Variants in KIDINS220 observed in about 807,000 individuals in gnomAD.
The protein encoded by KIDINS220 is kinase D interacting substrate 220, also known as kinase D-interacting substrate of 220 kDa.
In KIDINS220, 63 loss-of-function variants were observed where a neutral mutation model predicts 157.6. That is an observed-to-expected ratio of 0.40 (90% CI 0.33 to 0.49). The LOEUF is 0.49. Ranked by LOEUF, KIDINS220 falls within the 20% of genes least tolerant of loss-of-function variation. KIDINS220 has a pLI of 0.66. For missense variants in KIDINS220, 1,772 were observed against 2,171.2 expected (o/e 0.82, Z 3.65); for synonymous variants, 732 against 783.6 (o/e 0.93, Z 1.10).
At position 8,779,060 on chromosome 2, in the gene KIDINS220, T is replaced by C. The variant is rs1450455798; in HGVS notation, c.2450A>G (p.Gln817Arg). The part of the protein sequence containing the change: ...DPHIIIKAIN[Q>R]NLNSVLRDSN... ...ATCCCGAAGCACACTATTGAGGTTC[T>C]GGTTAATTGCCTTTATGATAATATG... Residue 817 changes from glutamine (Q) to arginine (R), a missense_variant, in exon 19 of 30, where the codon CAG becomes CGG. This residue lies in a region of KIDINS220 where 725 missense variants were observed against 1,017.1 expected (regional missense o/e 0.71). Transcript: ENST00000256707. 1.9e-6 allele frequency: 3 copies of C among 1,614,022 alleles called. No individual in the cohort carries two copies. The highest frequency in any genetic ancestry group is 2.5e-6 in the Non-Finnish European group (3 of 1,180,022).
chr2:8,803,171 G>T, intron 7 of KIDINS220, 44 bp from the exon 8 acceptor site: 1 of 1,410,006 alleles, frequency 7.1e-7, no homozygotes, highest in Non-Finnish European at 9.7e-7. Flanking sequence ...GCAAGCCCAA[G>T]AAATTAATGT....
chr2:8,725,634 T>C (rs574881683), downstream of KIDINS220: 1 of 152,326 alleles, frequency 6.6e-6, no homozygotes, highest in East Asian at 1.9e-4. Context: ...CTTGGGTCTA[T>C]GGGCAGGGTA....
At chr2:8,723,472 T>C (rs1663088434), downstream of KIDINS220, 1 of 152,264 alleles carries the variant, frequency 6.6e-6, no homozygotes, top group Non-Finnish European at 1.5e-5. Flanking sequence ...TTGGTGATGG[T>C]TGTTACAGCG....
In KIDINS220 at chr2:8,750,104, T is replaced by C. The variant is rs1238895235; in HGVS notation, c.3414+8A>G. 1.2e-6 allele frequency: 2 copies of C among 1,606,532 alleles called. No individual in the cohort carries two copies. Among genetic ancestry groups the C allele is most frequent in the Non-Finnish European group, 1.7e-6 (2 of 1,175,912 alleles). On this transcript the variant is annotated splice_region_variant and intron_variant, in intron 24 of 29. Transcript: ENST00000256707. The stretch of plus-strand genomic sequence containing the variant: ...TCTTAAAAATAAAGCTGCCTCCAAC[T>C]TCCTTACCCTGTTGTAGAAGGGATG...
At chr2:8,748,789 A>T (rs1222463373) in intron 24 of KIDINS220, among the ~76,000 whole-genome samples, 1 of 152,260 alleles carries the variant, frequency 6.6e-6, no homozygotes, top group Admixed American at 6.5e-5. Flanking sequence ...AGCTAGATTT[A>T]AAAACAAGAG....
chr2:8,820,812 G>A (rs1271084744), intron 2 of KIDINS220, among the ~76,000 whole-genome samples: 3 of 152,224 alleles, frequency 2.0e-5, no homozygotes, highest in Non-Finnish European at 4.4e-5. Context: ...ATTCTGAGTC[G>A]TCACTACCAA....
At chr2:8,831,311 C>T (rs1418284543) in intron 1 of KIDINS220, among the ~76,000 whole-genome samples, 7 of 152,082 alleles carry the variant, frequency 4.6e-5, no homozygotes, top group Non-Finnish European at 7.4e-5. Flanking sequence ...CTCCCCTCCT[C>T]AGCCCCATCC....
At chr2:8,760,457 A>G (rs1390029836) in intron 22 of KIDINS220, among the ~76,000 whole-genome samples, 1 of 152,228 alleles carries the variant, frequency 6.6e-6, no homozygotes, top group Non-Finnish European at 1.5e-5. Flanking sequence ...AGAAATGTGA[A>G]CAACTCCAAG....
At position 8,779,026 on chromosome 2, in the gene KIDINS220, T is replaced by C. The variant is rs138283510; in HGVS notation, c.2484A>G (p.Ile828Met). 6.2e-7 allele frequency: 1 copy of C among 1,614,170 alleles called. No homozygotes were observed. The highest frequency in any genetic ancestry group is 8.5e-7 in the Non-Finnish European group (1 of 1,180,034). The change falls in exon 19 of 30, where the codon ATA (isoleucine) becomes ATG (methionine). Residue 828 changes from isoleucine to methionine, a missense_variant. Ile to Met is a conservative substitution (Grantham distance 10). Transcript: ENST00000256707. ...NLNSVLRDSN[I>M]NGHDYMRNIV... ...TGTTGCGCATGTAGTCATGGCCATT[T>C]ATATTTGAATCCCGAAGCACACTAT...
chr2:8,727,680 T>G (rs1306477339), downstream of KIDINS220, among the ~76,000 whole-genome samples: 1 of 152,090 alleles, frequency 6.6e-6, no homozygotes, highest in Non-Finnish European at 1.5e-5. Context: ...GTCTCGAGAG[T>G]AGCATTTTCG....
Position 8,744,444 on chromosome 2 carries a change from ATG to A in KIDINS220, c.3585+2699_3585+2700del, listed in dbSNP as rs1666267793. On this transcript the variant is annotated intron_variant, in intron 26 of 29. Coordinates refer to ENST00000256707, the MANE Select transcript of KIDINS220 (RefSeq NM_020738.4). ...TATATATATATATATATATATATAT[ATG>A]GGATCATCTCTATTTTGAAAAGACC... Among the ~76,000 whole-genome samples the A allele has an allele frequency of 4.6e-5, 5 of 107,640 alleles. No individual in the cohort carries two copies. In the East Asian group the frequency reaches 1.2e-3, roughly 26 times the overall value. 70.6% of individuals were successfully genotyped at this position (107,640 alleles called of 152,430 possible).
chr2:8,748,844 C>T (rs1424639847), intron 24 of KIDINS220, among the ~76,000 whole-genome samples: 1 of 152,118 alleles, frequency 6.6e-6, no homozygotes, highest in Middle Eastern at 3.2e-3. Flanking sequence ...TATTAAAAAG[C>T]ATGATTACAT....
At chr2:8,751,236 A>G (rs1362131624) in intron 23 of KIDINS220, among the ~76,000 whole-genome samples, 3 of 151,210 alleles carry the variant, frequency 2.0e-5, no homozygotes, top group African/African-American at 7.3e-5. Context: ...AGTGAGATCC[A>G]CAAATACTAA....
chr2:8,781,123 GA>G (rs1218537544), intron 17 of KIDINS220, among the ~76,000 whole-genome samples: 1 of 107,234 alleles, frequency 9.3e-6, no homozygotes, highest in East Asian at 2.6e-4. Flanking sequence ...AAGAGAGGGG[GA>G]GTAACTATAT....
chr2:8,812,250 G>A (rs1398366603), intron 6 of KIDINS220, 145 bp downstream of exon 6: 1 of 327,246 alleles, frequency 3.1e-6, no homozygotes, highest in African/African-American at 2.2e-5. Context: ...CCATCTATGA[G>A]ATATATATCT....
intron 23 of KIDINS220, 111 bp from the exon 24 acceptor site, chr2:8,750,446 T>A (rs566700731): frequency 1.5e-6 from 1 of 646,162 alleles, no homozygotes; most frequent in African/African-American, 1.9e-5. Context: ...TTTATCACTC[T>A]TGCCACGGAT....
chr2:8,737,181 G>A, intron 26 of KIDINS220, 182 bp from the exon 27 acceptor site: 1 of 563,054 alleles, frequency 1.8e-6, no homozygotes, highest in Non-Finnish European at 3.0e-6. Flanking sequence ...ATAACCTAAT[G>A]AGTAGCTTTT....
intron 1 of KIDINS220, among the ~76,000 whole-genome samples, chr2:8,832,937 G>T (rs180944085): frequency 2.4e-3 from 368 of 151,824 alleles, no homozygotes; most frequent in African/African-American, 8.6e-3. Flanking sequence ...ACATGTTTAT[G>T]GGGTATGTGT....
chr2:8,781,441 C>CA (rs984593148), intron 17 of KIDINS220, among the ~76,000 whole-genome samples: 4 of 149,816 alleles, frequency 2.7e-5, no homozygotes, highest in African/African-American at 4.9e-5. Flanking sequence ...TTATTTCATC[C>CA]AAAAAAAGAA....
Sources: gnomAD v4.1 joint callset for allele counts (sites outside exome capture counted in the v4.1 genomes callset) on GRCh38, gnomAD v4.1.1 for gene constraint, gnomAD v4.1.1 regional missense constraint, MANE v1.5 for transcripts, NCBI Gene and HGNC (gene_info 2026-07-23, HGNC 2026-07-21) for gene names.